The following EXOC6 variants were observed in gnomAD, a reference collection of about 807,000 sequenced individuals.
The protein encoded by EXOC6 is SEC15-like 1.
EXOC6 carries 60 observed loss-of-function variants against 112.5 expected under a neutral mutation model. The observed-to-expected ratio is 0.53, with a 90% CI of 0.43 to 0.66. EXOC6 has a LOEUF of 0.66. Ranked by LOEUF, EXOC6 falls within the 30% of genes least tolerant of loss-of-function variation. The pLI is 0.00. For synonymous variants in EXOC6, 295 were observed against 308.0 expected (o/e 0.96, Z 0.44); for missense variants, 855 against 957.1 (o/e 0.89, Z 1.41).
intron 4 of EXOC6, among the ~76,000 whole-genome samples, chr10:92,895,492 G>T (rs1849698760): frequency 6.6e-6 from 1 of 152,078 alleles, no homozygotes. Flanking sequence ...AAAAGAGCTG[G>T]ATCTTCACCA....
At chr10:92,871,498 CAAA>C (rs75179832) in intron 1 of EXOC6, among the ~76,000 whole-genome samples, 10 of 67,126 alleles carry the variant, frequency 1.5e-4, no homozygotes, top group Admixed American at 1.8e-4. Context: ...GACCCTGTCT[CAAA>C]AAAAAAAAAA....
chr10:92,959,251 G>A (rs1454559413), intron 17 of EXOC6, among the ~76,000 whole-genome samples: 2 of 152,148 alleles, frequency 1.3e-5, no homozygotes, highest in Non-Finnish European at 2.9e-5. Flanking sequence ...ATAAAATGTA[G>A]CAAAGATAGT....
chr10:92,856,773 T>G (rs1200024069), intron 1 of EXOC6, among the ~76,000 whole-genome samples: 1 of 152,178 alleles, frequency 6.6e-6, no homozygotes, highest in Non-Finnish European at 1.5e-5. Context: ...CTATCCATTA[T>G]TGAATGATGA....
chr10:92,834,077 G>A (rs1366257477), upstream of EXOC6, among the ~76,000 whole-genome samples: 1 of 152,134 alleles, frequency 6.6e-6, no homozygotes, highest in Non-Finnish European at 1.5e-5. Flanking sequence ...AGAAGCATTT[G>A]TATTTGAACA....
At chr10:92,981,972 C>T (rs972977210) in intron 18 of EXOC6, among the ~76,000 whole-genome samples, 11 of 152,038 alleles carry the variant, frequency 7.2e-5, no homozygotes, top group Admixed American at 3.3e-4. Flanking sequence ...AAACATTAGC[C>T]GGGCAGGGTG....
intron 20 of EXOC6, among the ~76,000 whole-genome samples, chr10:93,048,755 C>CAAAAA: frequency 9.3e-6 from 1 of 107,780 alleles, no homozygotes; most frequent in East Asian, 2.5e-4. Flanking sequence ...GACTCCGTCT[C>CAAAAA]AAAAAAAAAA....
intron 18 of EXOC6, among the ~76,000 whole-genome samples, chr10:92,991,820 G>A (rs1226919751): frequency 6.6e-6 from 1 of 151,928 alleles, no homozygotes; most frequent in African/African-American, 2.4e-5. Flanking sequence ...ATTGGTAATT[G>A]TTGGAAGGAG....
At chr10:92,893,256 C>A in intron 1 of EXOC6, 93 bp from the exon 2 acceptor site, 1 of 879,988 alleles carries the variant, frequency 1.1e-6, no homozygotes, top group Non-Finnish European at 1.7e-6. Context: ...TTTATTTGTT[C>A]AGAGATTTAA....
At chr10:92,969,463 T>G (rs1247293836) in intron 17 of EXOC6, among the ~76,000 whole-genome samples, 1 of 152,078 alleles carries the variant, frequency 6.6e-6, no homozygotes, top group African/African-American at 2.4e-5. Context: ...TAACAAAATA[T>G]TTGTTATTTT....
At chr10:92,950,165 T>C (rs79382519) in intron 14 of EXOC6, among the ~76,000 whole-genome samples, 1,623 of 152,310 alleles carry the variant, frequency 0.011, 33 homozygotes, top group African/African-American at 0.037. Context: ...AATTAAAATA[T>C]GACAACTGAA....
At chr10:93,030,519 A>G (rs1335274771) in intron 20 of EXOC6, among the ~76,000 whole-genome samples, 1 of 152,240 alleles carries the variant, frequency 6.6e-6, no homozygotes, top group Non-Finnish European at 1.5e-5. Flanking sequence ...AAGCATGAAC[A>G]GTAACACAGG....
intron 1 of EXOC6, among the ~76,000 whole-genome samples, chr10:92,852,268 T>G (rs1293065356): frequency 6.6e-6 from 1 of 152,182 alleles, no homozygotes; most frequent in Non-Finnish European, 1.5e-5. Flanking sequence ...GCCCAGATAG[T>G]TTTACTGGTG....
chr10:93,006,293 C>CA (rs1423173695), intron 19 of EXOC6, among the ~76,000 whole-genome samples: 1 of 152,040 alleles, frequency 6.6e-6, no homozygotes, highest in African/African-American at 2.4e-5. Flanking sequence ...AGTATTAAGG[C>CA]AAAATCATCT....
intron 18 of EXOC6, among the ~76,000 whole-genome samples, chr10:92,977,606 AC>A (rs1394549723): frequency 5.3e-5 from 8 of 152,172 alleles, no homozygotes; most frequent in Admixed American, 5.2e-4. Flanking sequence ...ATTTGAATTC[AC>A]CTTGTCAGTA....
At chr10:93,012,432 G>A (rs564376295) in intron 19 of EXOC6, among the ~76,000 whole-genome samples, 7 of 152,236 alleles carry the variant, frequency 4.6e-5, no homozygotes, top group East Asian at 1.9e-4. Flanking sequence ...AGAACAAAAT[G>A]TATTCTTAAT....
chr10:92,888,012 A>G (rs1422405858), intron 1 of EXOC6, among the ~76,000 whole-genome samples: 1 of 152,152 alleles, frequency 6.6e-6, no homozygotes, highest in East Asian at 1.9e-4. Context: ...TGGAATAGCA[A>G]ATGGTTATCT....
chr10:92,972,708 T>C (rs1842348877), intron 17 of EXOC6, among the ~76,000 whole-genome samples: 2 of 152,352 alleles, frequency 1.3e-5, no homozygotes, highest in Middle Eastern at 3.4e-3. Flanking sequence ...TCTTGTCTTA[T>C]CAGCCCATAG....
At chr10:92,842,053 A>G (rs1846872181) in intron 1 of EXOC6, among the ~76,000 whole-genome samples, 1 of 131,088 alleles carries the variant, frequency 7.6e-6, no homozygotes, top group South Asian at 2.4e-4. Context: ...AAAAGTGTTA[A>G]TAAGTGCTAT....
rs189562939 is a variant in EXOC6, at chr10:92,995,840, C to T, written c.1954-1634C>T. On this transcript the variant is annotated intron_variant, in intron 18 of 21. Coordinates refer to ENST00000260762, the MANE Select transcript of EXOC6 (RefSeq NM_019053.6). ...GTTTTCGATTGAGAAATTGACATTC[C>T]GTTTCACATATGCAGTTTTTCACTG... Among the ~76,000 whole-genome samples the T allele has an allele frequency of 9.9e-5, 15 of 152,212 alleles. No homozygotes were observed. In the South Asian group the frequency reaches 1.5e-3, roughly 15 times the overall value.
Sources: gnomAD v4.1 joint callset for allele counts (sites outside exome capture counted in the v4.1 genomes callset) on GRCh38, gnomAD v4.1.1 for gene constraint, MANE v1.5 for transcripts, NCBI Gene and HGNC (gene_info 2026-07-23, HGNC 2026-07-21) for gene names.